IFT74: variants seen among roughly 807,000 people sequenced by gnomAD.
The protein encoded by IFT74 is intraflagellar transport protein 74 homolog.
Under a neutral mutation model 96.7 loss-of-function variants are expected in IFT74, and 92 were observed. That is an observed-to-expected ratio of 0.95 (90% CI 0.80 to 1.13). IFT74 has a LOEUF of 1.13. IFT74 is among the 50% of genes most tolerant of loss of function. The pLI, the probability that IFT74 is intolerant of heterozygous loss-of-function variation, is 0.00. For missense variants in IFT74, 811 were observed against 698.2 expected (o/e 1.16, Z -1.82); for synonymous variants, 223 against 213.2 (o/e 1.05, Z -0.40).
rs1193242354 is a variant in IFT74 at position 27,010,499 on chromosome 9, G to GT, written c.726+1349dup. On this transcript the variant is annotated intron_variant, in intron 9 of 19. Coordinates refer to ENST00000380062, the MANE Select transcript of IFT74 (RefSeq NM_025103.4). ...CCCTTTTTTTTGTTTTTTTTTTTTTGTTTTTTTTGAGACGGAGTTTCGCTC... is the reference window on the plus strand; with the variant it reads ...CCCTTTTTTTTGTTTTTTTTTTTTTGTTTTTTTTTGAGACGGAGTTTCGCTC... 4.5e-3 allele frequency among the ~76,000 whole-genome samples: 382 copies of GT among 85,726 alleles called. 2 individuals carry two copies. Among genetic ancestry groups the GT allele is most frequent in the East Asian group, 9.7e-3 (29 of 3,004 alleles). The allele number at this position is 85,726 out of a possible 152,430, so 56.2% of individuals were successfully genotyped here.
chr9:26,996,382 A>C, intron 8 of IFT74: 1 of 1,610,314 alleles, frequency 6.2e-7, no homozygotes, highest in Non-Finnish European at 8.5e-7. Context: ...ATGAATATAA[A>C]GATCTTCAGT....
chr9:26,982,408 C>T (rs1210628985), intron 4 of IFT74: 5 of 428,384 alleles, frequency 1.2e-5, no homozygotes, highest in Admixed American at 1.0e-4. Flanking sequence ...CTGCAAGTAG[C>T]TGGGATTACG....
In IFT74 at chr9:27,062,707, G is replaced by C. The variant is rs768119194; in HGVS notation, c.1774G>C (p.Asp592His). 2.5e-6 allele frequency: 4 copies of C among 1,603,274 alleles called. No homozygotes were observed. In the East Asian group the frequency reaches 9.0e-5, roughly 36 times the overall value. ...TGCAGAGTACAATAAAACCATCGTG[G>C]ATGCTTTACATAGCACCAGCGGAAA... is the stretch of plus-strand genomic sequence containing the variant. ...QIAEYNKTIV[D>H]ALHSTSGN The change falls in exon 20 of 20, where the codon GAT becomes CAT. Residue 592 changes from aspartate (D) to histidine (H), a missense_variant. Physicochemically the swap from Asp to His is moderately conservative, Grantham distance 81 (BLOSUM62 -1). Coordinates refer to ENST00000380062, the MANE Select transcript of IFT74 (RefSeq NM_025103.4).
chr9:26,948,454 T>TA (rs1563926488), intron 1 of IFT74, among the ~76,000 whole-genome samples: 9 of 33,496 alleles, frequency 2.7e-4, no homozygotes, highest in African/African-American at 2.4e-3. Flanking sequence ...CATTATTTTT[T>TA]TTTTTTTTTT....
Position 26,995,598 on chromosome 9 carries a change from G to A in IFT74, c.587+5403G>A, listed in dbSNP as rs1273135932. The A allele has an allele frequency of 1.2e-6, 2 of 1,606,336 alleles. No individual in the cohort carries two copies. The highest frequency in any genetic ancestry group is 3.3e-5 in the Admixed American group (2 of 59,958). On this transcript the variant is annotated intron_variant, in intron 8 of 19. Transcript: ENST00000380062. ...CCATCATCATCTACCACAAATGAAT[G>A]TAATTGTTCAAATATTACTGTAGTT...
At chr9:27,035,679 G>A (rs1819140918) in intron 13 of IFT74, among the ~76,000 whole-genome samples, 2 of 152,156 alleles carry the variant, frequency 1.3e-5, no homozygotes, top group South Asian at 2.1e-4. Context: ...CAATTATACT[G>A]TATGATTTTA....
chr9:27,021,576 A>G (rs974381890), intron 12 of IFT74, among the ~76,000 whole-genome samples: 1 of 152,180 alleles, frequency 6.6e-6, no homozygotes, highest in African/African-American at 2.4e-5. Context: ...CATTTCCCTG[A>G]TAATGATGTT....
chr9:27,022,929 C>T (rs1216442754), intron 12 of IFT74, among the ~76,000 whole-genome samples: 8 of 152,108 alleles, frequency 5.3e-5, no homozygotes, highest in African/African-American at 1.9e-4. Context: ...TGAGCCACCG[C>T]GCCCGACCGA....
intron 14 of IFT74, among the ~76,000 whole-genome samples, chr9:27,045,697 A>C (rs1384653470): frequency 6.6e-6 from 1 of 152,158 alleles, no homozygotes; most frequent in Non-Finnish European, 1.5e-5. Context: ...ATTTTGCTGG[A>C]ATCTGAATTC....
At chr9:26,970,546 A>C (rs915062783) in intron 2 of IFT74, among the ~76,000 whole-genome samples, 5 of 152,166 alleles carry the variant, frequency 3.3e-5, no homozygotes, top group African/African-American at 4.8e-5. Context: ...CTATACTTTG[A>C]CCTGGTGAAT....
intron 1 of IFT74, among the ~76,000 whole-genome samples, chr9:26,960,237 T>A (rs1018111505): frequency 1.3e-5 from 2 of 152,164 alleles, no homozygotes; most frequent in Admixed American, 6.5e-5. Context: ...CAGTCTCTCA[T>A]ACTAGATTTT....
At chr9:27,028,539 C>G (rs376854176) in intron 12 of IFT74, among the ~76,000 whole-genome samples, 6 of 151,978 alleles carry the variant, frequency 3.9e-5, no homozygotes, top group Non-Finnish European at 5.9e-5. Context: ...AGGTGGATCT[C>G]GAGGTCAAGA....
At chr9:27,058,377 C>G (rs1006222640) in intron 18 of IFT74, among the ~76,000 whole-genome samples, 2 of 152,110 alleles carry the variant, frequency 1.3e-5, no homozygotes, top group African/African-American at 4.8e-5. Flanking sequence ...GCATGAGCCA[C>G]TGTGCTTAGC....
intron 1 of IFT74, among the ~76,000 whole-genome samples, chr9:26,958,770 G>A (rs1418795378): frequency 6.6e-6 from 1 of 152,178 alleles, no homozygotes; most frequent in Admixed American, 6.5e-5. Context: ...TAAGGAAGTT[G>A]TGTGGAATCA....
intron 13 of IFT74, among the ~76,000 whole-genome samples, chr9:27,038,758 A>G (rs1819329266): frequency 6.6e-6 from 1 of 152,232 alleles, no homozygotes; most frequent in African/African-American, 2.4e-5. Flanking sequence ...GCAGAAACAG[A>G]GTCCTCAATT....
Position 26,984,332 on chromosome 9 carries a change from A to G in IFT74, c.381A>G (p.Ser127=). 6.3e-7 allele frequency: 1 copy of G among 1,584,084 alleles called. No individual in the cohort carries two copies. Among genetic ancestry groups the G allele is most frequent in the Non-Finnish European group, 8.6e-7 (1 of 1,163,864 alleles). The change falls in exon 5 of 20, where the codon TCA becomes TCG. Residue 127 remains serine, a synonymous_variant. Transcript: ENST00000380062. ...TAGAAATGTACAATCAAGAGAATTC[A>G]GTATATTTGTCATATGAAAAGAGGT... ...KGIEMYNQEN[S]VYLSYEKRAE...
At chr9:27,030,782 A>G (rs1018390012) in intron 13 of IFT74, among the ~76,000 whole-genome samples, 3 of 152,152 alleles carry the variant, frequency 2.0e-5, no homozygotes, top group African/African-American at 4.8e-5. Context: ...AATGCCAACA[A>G]TTGCATATTT....
chr9:27,012,003 C>G, intron 10 of IFT74, 35 bp downstream of exon 10: 5 of 1,391,754 alleles, frequency 3.6e-6, no homozygotes, highest in Non-Finnish European at 4.9e-6. Context: ...TCTCATACTA[C>G]TCAGCTAAAA....
At chr9:27,030,419 A>G (rs545691947) in intron 13 of IFT74, among the ~76,000 whole-genome samples, 2 of 151,852 alleles carry the variant, frequency 1.3e-5, no homozygotes, top group South Asian at 4.2e-4. Flanking sequence ...GTAGTGGCGC[A>G]TGCCTGTAAT....
Sources: gnomAD v4.1 joint callset for allele counts (sites outside exome capture counted in the v4.1 genomes callset) on GRCh38, gnomAD v4.1.1 for gene constraint, MANE v1.5 for transcripts, NCBI Gene and HGNC (gene_info 2026-07-23, HGNC 2026-07-21) for gene names.